Variants in RYR2 observed in about 807,000 individuals in gnomAD.
RYR2 encodes cardiac muscle ryanodine receptor-calcium release channel.
In RYR2, 227 loss-of-function variants were observed where a neutral mutation model predicts 601.1. The ratio of observed to expected loss-of-function variants is 0.38; its 90% CI spans 0.34 to 0.42. The LOEUF (loss-of-function observed/expected upper bound fraction) is 0.42, where lower values mean the gene tolerates loss of function less well. Ranked by LOEUF, RYR2 falls within the 10% of genes least tolerant of loss-of-function variation. The probability of loss-of-function intolerance (pLI) is 1.00; values close to 1 mark genes in which losing one functional copy is unlikely to be tolerated. For missense variants in RYR2, 4,646 were observed against 6,156.5 expected (o/e 0.75, Z 8.21); for synonymous variants, 2,223 against 2,175.1 (o/e 1.02, Z -0.61).
intron 2 of RYR2, among the ~76,000 whole-genome samples, chr1:237,290,665 C>G (rs1692094866): frequency 1.3e-5 from 2 of 152,058 alleles, no homozygotes; most frequent in Admixed American, 6.6e-5. Flanking sequence ...AACAGAGCAA[C>G]ATAAAAACAG....
In RYR2 at chr1:237,722,578, C is replaced by T. The variant is rs564283637; in HGVS notation, c.10555-550C>T. Among the ~76,000 whole-genome samples, 9 of 151,734 alleles carry T rather than the reference C, an allele frequency of 5.9e-5. No homozygotes were observed. The South Asian group carries it at 8.4e-4, about 14-fold the overall frequency. Reference sequence around the variant, plus strand: ...CCTCCCGAGTAGCTGGGACTACAGGCGCCCGCCACCACGCCTGGCTAATTT... The same window carrying T: ...CCTCCCGAGTAGCTGGGACTACAGGTGCCCGCCACCACGCCTGGCTAATTT... On this transcript the variant is annotated intron_variant, in intron 73 of 104. Transcript: ENST00000366574.
At chr1:237,458,694 T>C (rs577330847) in intron 16 of RYR2, among the ~76,000 whole-genome samples, 1 of 150,962 alleles carries the variant, frequency 6.6e-6, no homozygotes, top group African/African-American at 2.4e-5. Flanking sequence ...TCTGATAAAA[T>C]AGGAAAGCAT....
At chr1:237,821,982 A>G (rs2790351) in intron 101 of RYR2, among the ~76,000 whole-genome samples, 39,754 of 151,608 alleles carry the variant, frequency 0.26, 5,640 homozygotes, top group East Asian at 0.61. Context: ...GAGAAAAAAG[A>G]GTGAAAAGAA....
At position 237,257,349 on chromosome 1, in the gene RYR2, G is replaced by A. The variant is rs72764090; in HGVS notation, c.49-13148G>A. On this transcript the variant is annotated intron_variant, in intron 1 of 104. Coordinates refer to ENST00000366574, the MANE Select transcript of RYR2 (RefSeq NM_001035.3). ...GCTCTTCATTTCTTAGCCATTGACCGTCGCTTCTGTGCCAGATGCTGTGCT... is the reference window on the plus strand; with the variant it reads ...GCTCTTCATTTCTTAGCCATTGACCATCGCTTCTGTGCCAGATGCTGTGCT... Among the ~76,000 whole-genome samples, 1,010 of 152,200 alleles carry A rather than the reference G, an allele frequency of 6.6e-3. 13 individuals carry two copies. The highest frequency in any genetic ancestry group is 0.038 in the South Asian group (184 of 4,818).
intron 80 of RYR2, among the ~76,000 whole-genome samples, chr1:237,755,945 T>G (rs2149260782): frequency 6.6e-6 from 1 of 152,256 alleles, no homozygotes; most frequent in Middle Eastern, 3.4e-3. Flanking sequence ...CGTGACAAAC[T>G]TATGCACAAA....
intron 53 of RYR2, 109 bp downstream of exon 53, chr1:237,656,093 T>A: frequency 1.1e-6 from 1 of 915,516 alleles, no homozygotes; most frequent in Non-Finnish European, 1.6e-6. Context: ...CCCTTTGAAT[T>A]GGTATCCTTT....
intron 29 of RYR2, among the ~76,000 whole-genome samples, chr1:237,581,468 A>G (rs1372818575): frequency 6.6e-6 from 1 of 152,220 alleles, no homozygotes; most frequent in Non-Finnish European, 1.5e-5. Flanking sequence ...AGCTGTAGAC[A>G]GAAAAGAAAA....
At position 237,434,653 on chromosome 1, in the gene RYR2, T is replaced by C. The variant is rs185058935; in HGVS notation, c.1006-6666T>C. On this transcript the variant is annotated intron_variant, in intron 12 of 104. Transcript: ENST00000366574. ...CACTGAAACATTTCTCTGTAGGCGATTTCCTCTGGTTTTTCCTCCCTGTGT... is the reference window on the plus strand; with the variant it reads ...CACTGAAACATTTCTCTGTAGGCGACTTCCTCTGGTTTTTCCTCCCTGTGT... 1.1e-4 allele frequency among the ~76,000 whole-genome samples: 16 copies of C among 152,338 alleles called. No homozygotes were observed. The East Asian group carries it at 3.1e-3, about 29-fold the overall frequency.
chr1:237,709,121 A>G, intron 69 of RYR2, 23 bp downstream of exon 69: 3 of 1,530,778 alleles, frequency 2.0e-6, no homozygotes, highest in Non-Finnish European at 2.6e-6. Flanking sequence ...GTAATTTAGT[A>G]ATTTCTCCAA....
At chr1:237,558,554 A>G (rs1671137589) in intron 27 of RYR2, among the ~76,000 whole-genome samples, 1 of 151,882 alleles carries the variant, frequency 6.6e-6, no homozygotes, top group Non-Finnish European at 1.5e-5. Context: ...CTGTTTTTGG[A>G]TTTGAACAGT....
chr1:237,132,502 C>T, intron 1 of RYR2, among the ~76,000 whole-genome samples: 1 of 152,178 alleles, frequency 6.6e-6, no homozygotes, highest in East Asian at 1.9e-4. Context: ...TAATAGATGA[C>T]TAATGCTGAT....
chr1:237,251,683 G>A (rs1174020871), intron 1 of RYR2, among the ~76,000 whole-genome samples: 1 of 152,106 alleles, frequency 6.6e-6, no homozygotes, highest in Non-Finnish European at 1.5e-5. Context: ...TCACAGGGAT[G>A]AGTCCTAAAT....
intron 12 of RYR2, among the ~76,000 whole-genome samples, chr1:237,430,336 C>T (rs1558804732): frequency 6.6e-6 from 1 of 151,312 alleles, no homozygotes; most frequent in Non-Finnish European, 1.5e-5. Flanking sequence ...TTTTACTCAA[C>T]ATTTTGAGTT....
intron 84 of RYR2, 65 bp from the exon 85 acceptor site, chr1:237,770,737 AGGTGG>A: frequency 1.1e-6 from 1 of 912,270 alleles, no homozygotes. Flanking sequence ...AGTTGTATGG[AGGTGG>A]GGACAGAAAG....
chr1:237,139,453 G>A (rs1334709245), intron 1 of RYR2, among the ~76,000 whole-genome samples: 2 of 152,138 alleles, frequency 1.3e-5, no homozygotes. Flanking sequence ...ATTGATTGTG[G>A]CAATCAACTG....
chr1:237,653,992 A>G (rs1257695419), intron 51 of RYR2, among the ~76,000 whole-genome samples: 1 of 152,210 alleles, frequency 6.6e-6, no homozygotes, highest in Non-Finnish European at 1.5e-5. Context: ...AGCCTCTCCC[A>G]GTCCACTGAC....
At chr1:237,755,043 T>A in intron 80 of RYR2, 5 of 1,283,694 alleles carry the variant, frequency 3.9e-6, no homozygotes, top group Non-Finnish European at 5.1e-6. Context: ...AAAACCCTGA[T>A]CAATTTTGTT....
At chr1:237,412,222 G>A (rs898159284) in intron 10 of RYR2, among the ~76,000 whole-genome samples, 2 of 152,044 alleles carry the variant, frequency 1.3e-5, no homozygotes, top group Non-Finnish European at 2.9e-5. Flanking sequence ...TTTTATATCA[G>A]TGGACAATAT....
intron 4 of RYR2, among the ~76,000 whole-genome samples, chr1:237,358,158 C>A (rs951939538): frequency 6.6e-6 from 1 of 152,108 alleles, no homozygotes; most frequent in Non-Finnish European, 1.5e-5. Context: ...AAATTAGAAC[C>A]GGTCCCTTGA....
Sources: allele counts gnomAD v4.1 joint callset (sites outside exome capture counted in the v4.1 genomes callset), GRCh38; gene constraint gnomAD v4.1.1; transcripts MANE v1.5; gene names NCBI Gene and HGNC (gene_info 2026-07-23, HGNC 2026-07-21).